Variants in SELENOV observed in about 807,000 individuals in gnomAD.
SELENOV encodes selenoprotein V.
A neutral mutation model predicts 21.6 loss-of-function variants in SELENOV; 25 were observed. That is an observed-to-expected ratio of 1.16 (90% CI 0.84 to 1.62). The LOEUF is 1.62. Ranked by LOEUF, SELENOV falls within the 40% of genes most tolerant of loss-of-function variation. SELENOV has a pLI of 0.00. For synonymous variants in SELENOV, 227 were observed against 216.9 expected (o/e 1.05, Z -0.41); for missense variants, 472 against 459.0 (o/e 1.03, Z -0.26).
At chr19:39,516,852 C>G (rs948353407) in intron 1 of SELENOV, among the ~76,000 whole-genome samples, 1 of 149,954 alleles carries the variant, frequency 6.7e-6, no homozygotes, top group Admixed American at 6.7e-5. Flanking sequence ...TGTGCCACCA[C>G]GCCCGGCTAA....
intron 1 of SELENOV, among the ~76,000 whole-genome samples, chr19:39,518,024 G>C (rs2079706663): frequency 1.5e-5 from 2 of 133,296 alleles, no homozygotes; most frequent in South Asian, 5.0e-4. Context: ...TGTAATTCCA[G>C]CACTTTGGGA....
At chr19:39,520,231 G>A (rs2079721570) in exon 6 of SELENOV, 2 of 152,604 alleles carry the variant, frequency 1.3e-5, no homozygotes, top group Admixed American at 1.3e-4. Flanking sequence ...GTGAGCTCAG[G>A]GAGGGGAAGA....
chr19:39,516,164 T>C lies in SELENOV; in HGVS notation c.809+143T>C. The C allele has an allele frequency of 5.3e-6, 4 of 748,628 alleles. No homozygotes were observed. The East Asian group carries it at 1.1e-4, about 20-fold the overall frequency. The allele number at this position is 748,628 out of a possible 1,614,324, so 46.4% of individuals were successfully genotyped here. A position where few individuals can be genotyped will look rare whatever the true frequency, so the allele number is the denominator to read the frequency against. On this transcript the variant is annotated intron_variant, in intron 1 of 5. Coordinates refer to ENST00000335426, the Ensembl canonical transcript of SELENOV. Reference sequence around the variant, plus strand: ...AGCCCCAGAGTTCCAGTTCCCAGATTGGAAACCCGCTCTTGTCTCTCATTC... The same window carrying C: ...AGCCCCAGAGTTCCAGTTCCCAGATCGGAAACCCGCTCTTGTCTCTCATTC...
In SELENOV at chr19:39,518,635, G is replaced by A. The variant is rs1400914190; in HGVS notation, c.834+3G>A. ...GCCTCTGAAGCTATAGCCTTCGGGT[G>A]AGTAGTTTTGGCTTTGGAGGTAGGG... On this transcript the variant is annotated splice_donor_region_variant and intron_variant, in intron 2 of 5. Transcript: ENST00000335426. 2 of 1,609,462 alleles carry A rather than the reference G, an allele frequency of 1.2e-6. No homozygotes were observed. The highest frequency in any genetic ancestry group is 1.7e-5 in the Admixed American group (1 of 59,204).
chr19:39,517,964 C>CAAAAAAAAAAA (rs56157115), intron 1 of SELENOV, among the ~76,000 whole-genome samples: 265 of 12,378 alleles, frequency 0.021, 74 homozygotes, highest in African/African-American at 0.037. Flanking sequence ...GACTCTGTCT[C>CAAAAAAAAAAA]AAAAAAAAAA....
intron 1 of SELENOV, 72 bp downstream of exon 1, chr19:39,516,093 C>A: frequency 1.5e-6 from 2 of 1,356,926 alleles, no homozygotes; most frequent in Non-Finnish European, 2.1e-6. Context: ...TCTCCGGGGA[C>A]GTGGAGGTCA....
Position 39,515,879 on chromosome 19 carries a change from C to T in SELENOV, c.667C>T (p.Pro223Ser), listed in dbSNP as rs919701509. Residue 223 changes from proline to serine, a missense_variant, in exon 1 of 6, where the codon CCC becomes TCC. Physicochemically the swap from Pro to Ser is moderately conservative, Grantham distance 74. Coordinates refer to ENST00000335426, the Ensembl canonical transcript of SELENOV. This position sits in a 1 kb window ranked among gnomAD's most constrained non-coding sequence, Gnocchi z 5.1. ...CCCGTCGGCCATCGGGCTGGCGGAT[C>T]CCCCCATTCCCAGTCCTGTCCCCTC... 4.5e-6 allele frequency: 7 copies of T among 1,562,758 alleles called. No individual in the cohort carries two copies. The highest frequency in any genetic ancestry group is 5.2e-6 in the Non-Finnish European group (6 of 1,154,096).
chr19:39,515,241 C>G lies in SELENOV; in HGVS notation c.29C>G (p.Pro10Arg). ...AATAACCAGGCGCGGACCCCAGCCCCCTCCTCGGCGCGGACTTCAACCTCA... is the reference window on the plus strand; with the variant it reads ...AATAACCAGGCGCGGACCCCAGCCCGCTCCTCGGCGCGGACTTCAACCTCA... The change falls in exon 1 of 6, where the codon CCC (proline) becomes CGC (arginine). Residue 10 changes from proline to arginine, a missense_variant. By Grantham distance (103) the Pro-to-Arg change is moderately radical. Transcript: ENST00000335426. This position sits in a 1 kb window ranked among gnomAD's most constrained non-coding sequence, Gnocchi z 5.1. 1.9e-6 allele frequency: 3 copies of G among 1,550,236 alleles called. No individual in the cohort carries two copies. The highest frequency in any genetic ancestry group is 2.6e-6 in the Non-Finnish European group (3 of 1,146,758).
rs756726670 is a variant in SELENOV, at chr19:39,515,859, C to T, written c.647C>T (p.Ser216Leu). The change falls in exon 1 of 6, where the codon TCG (serine) becomes TTG (leucine). Residue 216 changes from serine to leucine, a missense_variant. Coordinates refer to ENST00000335426, the Ensembl canonical transcript of SELENOV. The surrounding 1 kb of genome is among the most constrained non-coding windows in gnomAD (Gnocchi z 5.1). Reference sequence around the variant, plus strand: ...GACTTCACCTTCAGGGCAGACCCGTCGGCCATCGGGCTGGCGGATCCCCCC... The same window carrying T: ...GACTTCACCTTCAGGGCAGACCCGTTGGCCATCGGGCTGGCGGATCCCCCC... The T allele has an allele frequency of 5.3e-5, 82 of 1,553,828 alleles. No individual in the cohort carries two copies. Among genetic ancestry groups the T allele is most frequent in the Non-Finnish European group, 6.9e-5 (79 of 1,148,820 alleles).
chr19:39,517,300 T>A (rs1383318241), intron 1 of SELENOV, among the ~76,000 whole-genome samples: 1 of 152,136 alleles, frequency 6.6e-6, no homozygotes, highest in Non-Finnish European at 1.5e-5. Flanking sequence ...CATGTATTCA[T>A]TCGACAACTA....
rs2144772335 is a variant in SELENOV at position 39,515,659 on chromosome 19, A to G, written c.447A>G (p.Leu149=). The stretch of plus-strand genomic sequence containing the variant: ...TGGACTCCTACCTGGCCCCGGCCCT[A>G]CCTTTGGATCCGCCCCCGGAACCTG... The change falls in exon 1 of 6, where the codon CTA becomes CTG. Residue 149 remains leucine, a synonymous_variant. Coordinates refer to ENST00000335426, the Ensembl canonical transcript of SELENOV. The surrounding 1 kb of genome is among the most constrained non-coding windows in gnomAD (Gnocchi z 5.1). 6.5e-7 allele frequency: 1 copy of G among 1,548,128 alleles called. No individual in the cohort carries two copies. The highest frequency in any genetic ancestry group is 8.7e-7 in the Non-Finnish European group (1 of 1,146,720).
chr19:39,518,876 T>A lies in SELENOV; in HGVS notation c.889-27T>A, dbSNP rs1043092178. Reference sequence around the variant, plus strand: ...GGGGCTTGGAGGAGAGAGCTTAGCCTCCCCTACGCTCACCATTTCCTCCCA... The same window carrying A: ...GGGGCTTGGAGGAGAGAGCTTAGCCACCCCTACGCTCACCATTTCCTCCCA... On this transcript the variant is annotated intron_variant, in intron 3 of 5. Coordinates refer to ENST00000335426, the Ensembl canonical transcript of SELENOV. 3 of 1,612,728 alleles carry A rather than the reference T, an allele frequency of 1.9e-6. No homozygotes were observed. The African/African-American group carries it at 4.0e-5, about 22-fold the overall frequency.
intron 1 of SELENOV, chr19:39,516,234 C>G: frequency 1.4e-6 from 1 of 696,734 alleles, no homozygotes; most frequent in Non-Finnish European, 2.6e-6. Flanking sequence ...TGCTTTGGAT[C>G]TGAGCTTCAT....
chr19:39,517,042 GC>G (rs1393693879), intron 1 of SELENOV, among the ~76,000 whole-genome samples: 4 of 151,450 alleles, frequency 2.6e-5, no homozygotes, highest in African/African-American at 9.7e-5. Flanking sequence ...GGGATGGGGT[GC>G]GGGGGCAGTA....
chr19:39,516,819 C>T (rs919070199), intron 1 of SELENOV, among the ~76,000 whole-genome samples: 1 of 151,978 alleles, frequency 6.6e-6, no homozygotes, highest in Non-Finnish European at 1.5e-5. Flanking sequence ...CCTCAGCCTC[C>T]CGAACAGCTG....
At chr19:39,520,236 G>A (rs1447927449) in exon 6 of SELENOV, 3 of 152,568 alleles carry the variant, frequency 2.0e-5, no homozygotes, top group African/African-American at 7.2e-5. Flanking sequence ...CTCAGGGAGG[G>A]GAAGAGGAGA....
chr19:39,516,308 T>G (rs2079696924), intron 1 of SELENOV: 1 of 601,482 alleles, frequency 1.7e-6, no homozygotes, highest in African/African-American at 1.8e-5. Flanking sequence ...GGGTGCTGAG[T>G]AGAGCAGATC....
chr19:39,518,290 A>AAC (rs2079709221), intron 1 of SELENOV, among the ~76,000 whole-genome samples: 1 of 66,802 alleles, frequency 1.5e-5, no homozygotes, highest in African/African-American at 5.8e-5. Context: ...AAAAAACAAA[A>AAC]AAACAAAAAA....
chr19:39,519,762 G>C (rs182375160), intron 5 of SELENOV, among the ~76,000 whole-genome samples: 6 of 151,820 alleles, frequency 4.0e-5, no homozygotes, highest in Non-Finnish European at 8.8e-5. Context: ...TCAGGAGATC[G>C]AGACCATCCT....
Sources: allele counts gnomAD v4.1 joint callset (sites outside exome capture counted in the v4.1 genomes callset), GRCh38; gene constraint gnomAD v4.1.1; non-coding constraint Gnocchi (gnomAD v3.1); transcripts MANE v1.5; gene names NCBI Gene and HGNC (gene_info 2026-07-23, HGNC 2026-07-21).